NELL1: variants seen among roughly 807,000 people sequenced by gnomAD.
NELL1 encodes the protein neural EGFL like 1.
In NELL1, 76 loss-of-function variants were observed where a neutral mutation model predicts 107.4. The ratio of observed to expected loss-of-function variants is 0.71; its 90% CI spans 0.59 to 0.86. NELL1 has a LOEUF of 0.86. Ranked by LOEUF, NELL1 falls within the 40% of genes least tolerant of loss-of-function variation. The pLI, the probability that NELL1 is intolerant of heterozygous loss-of-function variation, is 0.00. For synonymous variants in NELL1, 353 were observed against 341.2 expected (o/e 1.03, Z -0.38); for missense variants, 1,024 against 1,005.5 (o/e 1.02, Z -0.25).
At chr11:21,205,155 T>A (rs1857361521) in intron 13 of NELL1, among the ~76,000 whole-genome samples, 1 of 152,184 alleles carries the variant, frequency 6.6e-6, no homozygotes, top group Non-Finnish European at 1.5e-5. Context: ...GGAGATTTGC[T>A]GCTCTCTTCA....
At chr11:21,289,500 A>G (rs1041661219) in intron 14 of NELL1, among the ~76,000 whole-genome samples, 32 of 152,186 alleles carry the variant, frequency 2.1e-4, no homozygotes, top group African/African-American at 7.5e-4. Flanking sequence ...TGCTTTTCCC[A>G]TGGTCTTCGC....
chr11:21,307,535 T>A (rs959983639), intron 14 of NELL1, among the ~76,000 whole-genome samples: 4 of 152,014 alleles, frequency 2.6e-5, no homozygotes, highest in Admixed American at 2.0e-4. Flanking sequence ...AAATGTATTA[T>A]CATTTTTAAA....
At chr11:20,910,180 T>C (rs1200801219) in intron 5 of NELL1, among the ~76,000 whole-genome samples, 2 of 152,174 alleles carry the variant, frequency 1.3e-5, no homozygotes, top group Non-Finnish European at 2.9e-5. Flanking sequence ...TGTCTTTCAT[T>C]ATCTAACAGG....
At chr11:21,224,829 T>C (rs1468218622) in intron 13 of NELL1, among the ~76,000 whole-genome samples, 1 of 152,228 alleles carries the variant, frequency 6.6e-6, no homozygotes. Context: ...AATATCTATC[T>C]CTTTGTTGAA....
intron 13 of NELL1, among the ~76,000 whole-genome samples, chr11:21,175,056 G>A (rs1359883364): frequency 1.3e-5 from 2 of 151,830 alleles, no homozygotes; most frequent in African/African-American, 4.9e-5. Context: ...GGCTCCAGTA[G>A]AAATAATTCT....
chr11:20,713,626 C>A (rs909825632), intron 2 of NELL1, among the ~76,000 whole-genome samples: 4 of 152,250 alleles, frequency 2.6e-5, no homozygotes, highest in African/African-American at 9.6e-5. Flanking sequence ...TCAGCAGCTC[C>A]TGTGCTCATA....
intron 3 of NELL1, among the ~76,000 whole-genome samples, chr11:20,843,732 A>C (rs900578430): frequency 2.0e-5 from 3 of 151,018 alleles, no homozygotes; most frequent in Middle Eastern, 3.2e-3. Flanking sequence ...GGGGAAAATG[A>C]TAAAAATTTT....
chr11:21,549,903 G>C (rs576829650), intron 16 of NELL1, among the ~76,000 whole-genome samples: 2 of 151,784 alleles, frequency 1.3e-5, no homozygotes, highest in South Asian at 2.1e-4. Context: ...GGGTGTTTTA[G>C]AGGGTGAATA....
chr11:21,219,999 A>G (rs764522920), intron 13 of NELL1, among the ~76,000 whole-genome samples: 3 of 152,168 alleles, frequency 2.0e-5, no homozygotes, highest in Non-Finnish European at 4.4e-5. Context: ...AGGAGGTGCT[A>G]CACACTTTTA....
At chr11:21,443,846 A>G (rs1273241913) in intron 15 of NELL1, among the ~76,000 whole-genome samples, 1 of 149,090 alleles carries the variant, frequency 6.7e-6, no homozygotes, top group East Asian at 2.0e-4. Context: ...AGACAGAGCG[A>G]GACTCTGTCT....
intron 12 of NELL1, among the ~76,000 whole-genome samples, chr11:20,981,130 G>A (rs1386742221): frequency 1.3e-5 from 2 of 152,164 alleles, no homozygotes; most frequent in Admixed American, 6.5e-5. Context: ...TGTGACAGCT[G>A]TATGTGGAAT....
chr11:21,395,599 C>G (rs1454675020), intron 15 of NELL1, among the ~76,000 whole-genome samples: 1 of 151,430 alleles, frequency 6.6e-6, no homozygotes, highest in African/African-American at 2.4e-5. Flanking sequence ...CATTGGTGAT[C>G]ATAAAGAAAT....
intron 12 of NELL1, among the ~76,000 whole-genome samples, chr11:20,997,527 G>A (rs904373141): frequency 6.6e-6 from 1 of 152,226 alleles, no homozygotes; most frequent in African/African-American, 2.4e-5. Context: ...TTAGGTAATA[G>A]TGATGTGCCA....
intron 14 of NELL1, among the ~76,000 whole-genome samples, chr11:21,348,792 A>G (rs1469381425): frequency 6.6e-6 from 1 of 152,178 alleles, no homozygotes; most frequent in Admixed American, 6.5e-5. Flanking sequence ...TAAATGGGGA[A>G]GGAATTACAG....
At chr11:21,179,745 C>T (rs1856787963) in intron 13 of NELL1, among the ~76,000 whole-genome samples, 1 of 151,480 alleles carries the variant, frequency 6.6e-6, no homozygotes, top group African/African-American at 2.4e-5. Flanking sequence ...CTTTTATTTG[C>T]TTCCTGGAGC....
At chr11:21,289,205 T>C (rs896934170) in intron 14 of NELL1, among the ~76,000 whole-genome samples, 4 of 152,202 alleles carry the variant, frequency 2.6e-5, no homozygotes, top group Non-Finnish European at 5.9e-5. Context: ...TGAAAATGTA[T>C]TTAAAACTCT....
At chr11:20,795,249 A>C (rs1481575189) in intron 3 of NELL1, among the ~76,000 whole-genome samples, 2 of 152,236 alleles carry the variant, frequency 1.3e-5, no homozygotes, top group African/African-American at 4.8e-5. Context: ...TTGAGTTCCC[A>C]TGGATATCTT....
chr11:20,787,019 A>AC (rs1856980393), intron 3 of NELL1, among the ~76,000 whole-genome samples: 1 of 149,162 alleles, frequency 6.7e-6, no homozygotes, highest in Non-Finnish European at 1.5e-5. Flanking sequence ...AAAAAAAAAA[A>AC]AAAAAAAAAA....
chr11:20,828,769 G>T (rs1330068920), intron 3 of NELL1, among the ~76,000 whole-genome samples: 2 of 152,102 alleles, frequency 1.3e-5, no homozygotes, highest in African/African-American at 4.8e-5. Flanking sequence ...CTTTCTATCT[G>T]TTCTTAAGTT....
Sources: gnomAD v4.1 joint callset for allele counts (sites outside exome capture counted in the v4.1 genomes callset) on GRCh38, gnomAD v4.1.1 for gene constraint, MANE v1.5 for transcripts, NCBI Gene and HGNC (gene_info 2026-07-23, HGNC 2026-07-21) for gene names.